ITGA2: variants seen among roughly 807,000 people sequenced by gnomAD.
ITGA2 encodes the protein integrin alpha-2.
ITGA2 carries 101 observed loss-of-function variants against 146.3 expected under a neutral mutation model. The observed-to-expected ratio is 0.69, with a 90% CI of 0.59 to 0.81. ITGA2 has a LOEUF of 0.81. ITGA2 is among the 40% of genes least tolerant of loss of function. The pLI is 0.00. For missense variants in ITGA2, 1,281 were observed against 1,402.7 expected (o/e 0.91, Z 1.39); for synonymous variants, 477 against 487.1 (o/e 0.98, Z 0.27).
chr5:53,089,892 C>A (rs1740329233), intron 28 of ITGA2, 54 bp from the exon 29 acceptor site: 2 of 1,032,984 alleles, frequency 1.9e-6, no homozygotes, highest in African/African-American at 1.6e-5. Flanking sequence ...ACTAGACCAT[C>A]TCCCCCCTTT....
At chr5:52,998,039 G>A (rs979238500) in intron 1 of ITGA2, among the ~76,000 whole-genome samples, 5 of 152,050 alleles carry the variant, frequency 3.3e-5, no homozygotes, top group African/African-American at 9.7e-5. Context: ...AAGTAGTCAT[G>A]GTAATTAAGA....
chr5:53,037,502 A>C (rs963866715), intron 2 of ITGA2, among the ~76,000 whole-genome samples: 7 of 152,210 alleles, frequency 4.6e-5, no homozygotes, highest in African/African-American at 1.7e-4. Flanking sequence ...GTAAAATTTC[A>C]TAGAGAAATA....
chr5:53,011,670 G>T (rs1193830151), intron 1 of ITGA2, among the ~76,000 whole-genome samples: 4 of 151,992 alleles, frequency 2.6e-5, no homozygotes, highest in Non-Finnish European at 5.9e-5. Flanking sequence ...ATAAATGATT[G>T]CATCAGAGTA....
chr5:53,010,863 G>T (rs183855097), intron 1 of ITGA2, among the ~76,000 whole-genome samples: 1 of 152,060 alleles, frequency 6.6e-6, no homozygotes, highest in Non-Finnish European at 1.5e-5. Context: ...AAACATCCTG[G>T]ATTATCTGGG....
At chr5:53,026,406 G>A (rs900151838) in intron 1 of ITGA2, among the ~76,000 whole-genome samples, 1 of 152,122 alleles carries the variant, frequency 6.6e-6, no homozygotes, top group African/African-American at 2.4e-5. Context: ...TTTAAGTCTT[G>A]TGTTCAAATT....
intron 9 of ITGA2, among the ~76,000 whole-genome samples, chr5:53,057,181 A>G (rs1246084167): frequency 2.0e-5 from 3 of 152,026 alleles, no homozygotes; most frequent in Non-Finnish European, 4.4e-5. Flanking sequence ...TCTACAAGCT[A>G]GCTAGAAATG....
chr5:53,065,827 A>G lies in ITGA2; in HGVS notation c.1807-14A>G. ...GTTGTGTACTATAATTTCGTGTCAA[A>G]CCTGCTCTTTTAGAAAATCTTGGGA... On this transcript the variant is annotated splice_polypyrimidine_tract_variant and intron_variant, in intron 14 of 29. Coordinates refer to ENST00000296585, the MANE Select transcript of ITGA2 (RefSeq NM_002203.4). 4 of 1,611,624 alleles carry G rather than the reference A, an allele frequency of 2.5e-6. No homozygotes were observed. Among genetic ancestry groups the G allele is most frequent in the Non-Finnish European group, 3.4e-6 (4 of 1,178,456 alleles).
rs759929093 is a variant in ITGA2, at chr5:53,092,005, G to A, written c.*1406G>A. On this transcript the variant is annotated 3_prime_UTR_variant, in exon 30 of 30. Transcript: ENST00000296585. ...AGTTTGTTCAAAAGGTAGATCCTGAGATGATTTGGTCAGATTGGGATAAGG... is the reference window on the plus strand; with the variant it reads ...AGTTTGTTCAAAAGGTAGATCCTGAAATGATTTGGTCAGATTGGGATAAGG... 3.3e-5 allele frequency: 5 copies of A among 152,166 alleles called. No homozygotes were observed. The highest frequency in any genetic ancestry group is 5.9e-5 in the Non-Finnish European group (4 of 68,034). The allele number at this position is 152,166 out of a possible 1,614,324, so 9.4% of individuals were successfully genotyped here.
Position 53,085,912 on chromosome 5 carries a change from C to CT in ITGA2, c.3259-1030dup, listed in dbSNP as rs370881847. Among the ~76,000 whole-genome samples, 1,149 of 149,742 alleles carry CT rather than the reference C, an allele frequency of 7.7e-3. 5 individuals are homozygous for CT. Among genetic ancestry groups the CT allele is most frequent in the Non-Finnish European group, 0.012 (839 of 67,182 alleles). ...ATAATGTTTCTATTGAAAAAATAGACTTTTTTTTTTCCCCCAGACAGAGCC... is the reference window on the plus strand; with the variant it reads ...ATAATGTTTCTATTGAAAAAATAGACTTTTTTTTTTTCCCCCAGACAGAGCC... On this transcript the variant is annotated intron_variant, in intron 27 of 29. Coordinates refer to ENST00000296585, the MANE Select transcript of ITGA2 (RefSeq NM_002203.4).
intron 1 of ITGA2, among the ~76,000 whole-genome samples, chr5:53,004,228 G>A (rs903235477): frequency 2.6e-5 from 4 of 152,008 alleles, no homozygotes; most frequent in Non-Finnish European, 5.9e-5. Flanking sequence ...CATATATTAA[G>A]CACATTTAAT....
chr5:53,053,547 C>T lies in ITGA2; in HGVS notation c.779+1988C>T, dbSNP rs550274422. On this transcript the variant is annotated intron_variant, in intron 7 of 29. Coordinates refer to ENST00000296585, the MANE Select transcript of ITGA2 (RefSeq NM_002203.4). The stretch of plus-strand genomic sequence containing the variant: ...ATTTTTCCCTGGAAGGAGCCTGGGG[C>T]CCTGGCGAGCTTTGTTCTCCAGGAC... Among the ~76,000 whole-genome samples, 46 of 152,228 alleles carry T rather than the reference C, an allele frequency of 3.0e-4. 1 individual carries two copies. In the South Asian group the frequency reaches 9.1e-3, roughly 30 times the overall value.
intron 2 of ITGA2, 54 bp from the exon 3 acceptor site, chr5:53,042,052 GTTTATC>G: frequency 1.0e-6 from 1 of 995,120 alleles, no homozygotes; most frequent in African/African-American, 1.6e-5. Context: ...TTGTGATCAG[GTTTATC>G]TTTAAGAAAC....
At chr5:53,039,443 T>C (rs1008151173) in intron 2 of ITGA2, among the ~76,000 whole-genome samples, 4 of 152,166 alleles carry the variant, frequency 2.6e-5, no homozygotes, top group East Asian at 3.9e-4. Flanking sequence ...TTACATTTAC[T>C]TGGACCAAAC....
At chr5:53,087,888 C>G (rs3212640) in intron 28 of ITGA2, among the ~76,000 whole-genome samples, 70,475 of 152,058 alleles carry the variant, frequency 0.46, 16,382 homozygotes, top group Middle Eastern at 0.5. Flanking sequence ...TCAGTCCACT[C>G]CTCTGGCTTG....
In ITGA2 at chr5:53,004,894, G is replaced by GT. The variant is rs548541753; in HGVS notation, c.64+15401dup. ...TACAACTTCTAAGTTTAGTTGCTTT[G>GT]TTTTTTTTTTTTTTTTTTTTTTTTT... is the stretch of plus-strand genomic sequence containing the variant. On this transcript the variant is annotated intron_variant, in intron 1 of 29. Coordinates refer to ENST00000296585, the MANE Select transcript of ITGA2 (RefSeq NM_002203.4). 1.3e-4 allele frequency among the ~76,000 whole-genome samples: 7 copies of GT among 55,944 alleles called. 1 individual carries two copies. Among genetic ancestry groups the GT allele is most frequent in the African/African-American group, 3.7e-4 (4 of 10,806 alleles). The allele number at this position is 55,944 out of a possible 152,430, so 36.7% of individuals were successfully genotyped here.
rs117373649 is a variant in ITGA2, at chr5:53,072,544, A to G, written c.2347-69A>G. The G allele has an allele frequency of 8.4e-5, 77 of 918,438 alleles. No individual in the cohort carries two copies. In the East Asian group the frequency reaches 1.8e-3, roughly 21 times the overall value. The allele number at this position is 918,438 out of a possible 1,614,324, so 56.9% of individuals were successfully genotyped here. ...CTTTATGTAAATAGAATAATATTCT[A>G]TGTATTCTTCTGTAATTTGCTTTTT... On this transcript the variant is annotated intron_variant, in intron 18 of 29. Coordinates refer to ENST00000296585, the MANE Select transcript of ITGA2 (RefSeq NM_002203.4).
Position 53,070,098 on chromosome 5 carries a change from T to TTG in ITGA2, c.2084-10_2084-9insGT. 1 of 1,604,606 alleles carries TTG rather than the reference T, an allele frequency of 6.2e-7. No homozygotes were observed. Among genetic ancestry groups the TTG allele is most frequent in the Non-Finnish European group, 8.5e-7 (1 of 1,172,448 alleles). On this transcript the variant is annotated splice_polypyrimidine_tract_variant and intron_variant, in intron 16 of 29. Coordinates refer to ENST00000296585, the MANE Select transcript of ITGA2 (RefSeq NM_002203.4). ...TGAAATAACATTTCTTTATGATTTT[T>TTG]TTTATCATAGCCATTGTATATAACA...
intron 1 of ITGA2, among the ~76,000 whole-genome samples, chr5:52,993,905 C>T (rs957250403): frequency 1.3e-5 from 2 of 152,168 alleles, no homozygotes; most frequent in African/African-American, 4.8e-5. Flanking sequence ...AAGATCACCG[C>T]TCTGATTGGC....
At chr5:53,044,845 G>A (rs757664258) in intron 3 of ITGA2, among the ~76,000 whole-genome samples, 156 bp from the exon 4 acceptor site, 11 of 152,164 alleles carry the variant, frequency 7.2e-5, no homozygotes, top group Admixed American at 2.0e-4. Flanking sequence ...TGAAAGCATC[G>A]CGTTTCCCCA....
Sources: gnomAD v4.1 joint callset for allele counts (sites outside exome capture counted in the v4.1 genomes callset) on GRCh38, gnomAD v4.1.1 for gene constraint, MANE v1.5 for transcripts, NCBI Gene and HGNC (gene_info 2026-07-23, HGNC 2026-07-21) for gene names.